PPP1R13B: variants seen among roughly 807,000 people sequenced by gnomAD.
PPP1R13B encodes protein phosphatase 1 regulatory subunit 13B, also known as apoptosis-stimulating of p53 protein 1.
In PPP1R13B, 44 loss-of-function variants were observed where a neutral mutation model predicts 119.8. The ratio of observed to expected loss-of-function variants is 0.37; its 90% CI spans 0.29 to 0.47. The LOEUF (loss-of-function observed/expected upper bound fraction) is 0.47, where lower values mean the gene tolerates loss of function less well. Ranked by LOEUF, PPP1R13B falls within the 20% of genes least tolerant of loss-of-function variation. PPP1R13B has a pLI of 0.99. For synonymous variants in PPP1R13B, 542 were observed against 561.5 expected, an observed-to-expected ratio of 0.97 and a Z score of 0.49; for missense variants, 1,227 against 1,413.5, an observed-to-expected ratio of 0.87 and a Z score of 2.12.
At chr14:103,753,238 AT>A in intron 6 of PPP1R13B, 42 bp from the exon 7 acceptor site, 2 of 1,460,776 alleles carry the variant, frequency 1.4e-6, no homozygotes, top group South Asian at 1.3e-5. Flanking sequence ...GATTTAGTTG[AT>A]CCTTTTTTTT....
At chr14:103,830,402 A>C (rs2086641469) in intron 1 of PPP1R13B, among the ~76,000 whole-genome samples, 1 of 152,080 alleles carries the variant, frequency 6.6e-6, no homozygotes, top group South Asian at 2.1e-4. Flanking sequence ...AGCCTCTTTT[A>C]GGTTCTTTTT....
chr14:103,734,678 GGAA>G lies in PPP1R13B; in HGVS notation c.*473_*475del, dbSNP rs1217416148. 2.2e-6 allele frequency: 1 copy of G among 456,934 alleles called. No homozygotes were observed. Among genetic ancestry groups the G allele is most frequent in the East Asian group, 6.9e-5 (1 of 14,440 alleles). 28.3% of individuals were successfully genotyped at this position (456,934 alleles called of 1,614,324 possible). A position where few individuals can be genotyped will look rare whatever the true frequency, so the allele number is the denominator to read the frequency against. On this transcript the variant is annotated 3_prime_UTR_variant, in exon 17 of 17. Coordinates refer to ENST00000202556, the MANE Select transcript of PPP1R13B (RefSeq NM_015316.3). ...TACAGAGGCTCCTTTGGTGATGAAG[GGAA>G]GAAGGATCATGTGTGGGAAGTGTGA...
At chr14:103,771,076 A>G (rs1430443605) in intron 4 of PPP1R13B, among the ~76,000 whole-genome samples, 2 of 152,170 alleles carry the variant, frequency 1.3e-5, no homozygotes, top group South Asian at 2.1e-4. Context: ...ACCCCCCAAC[A>G]GAAGGGGGCA....
intron 2 of PPP1R13B, among the ~76,000 whole-genome samples, chr14:103,787,928 G>A (rs1343301958): frequency 2.6e-5 from 4 of 152,000 alleles, no homozygotes; most frequent in Admixed American, 2.6e-4. Context: ...GGGATTACAG[G>A]CGTGAGCCGC....
chr14:103,739,353 G>A, intron 12 of PPP1R13B: 1 of 350,066 alleles, frequency 2.9e-6, no homozygotes, highest in Non-Finnish European at 5.2e-6. Flanking sequence ...ATGGGAGCCA[G>A]CAGCTCGTTC....
chr14:103,762,651 C>T (rs1190062875), intron 4 of PPP1R13B, among the ~76,000 whole-genome samples: 1 of 148,898 alleles, frequency 6.7e-6, no homozygotes, highest in Non-Finnish European at 1.5e-5. Flanking sequence ...GCAGCCACTG[C>T]TGCAGCCTCT....
At chr14:103,785,100 A>C (rs1482710425) in intron 2 of PPP1R13B, among the ~76,000 whole-genome samples, 186 bp from the exon 3 acceptor site, 1 of 152,226 alleles carries the variant, frequency 6.6e-6, no homozygotes, top group Non-Finnish European at 1.5e-5. Flanking sequence ...ATGGGAAATA[A>C]TTTAGGCAAC....
At chr14:103,767,257 T>C (rs1353222709) in intron 4 of PPP1R13B, among the ~76,000 whole-genome samples, 3 of 152,084 alleles carry the variant, frequency 2.0e-5, no homozygotes, top group Non-Finnish European at 4.4e-5. Flanking sequence ...CAAGCTGCAG[T>C]GAACTATGAT....
chr14:103,827,632 T>C (rs563054033), intron 1 of PPP1R13B, among the ~76,000 whole-genome samples: 19 of 148,706 alleles, frequency 1.3e-4, no homozygotes, highest in Non-Finnish European at 1.9e-4. Context: ...TATAGATATA[T>C]AGTATTATAA....
Position 103,781,556 on chromosome 14 carries a change from T to C in PPP1R13B, c.278-2735A>G, listed in dbSNP as rs534650861. Reference sequence around the variant, plus strand: ...AAAGAAGTATTATTTTTACAAAGGATTGTCCTTTTATTTGCTTGAGTTCAT... The same window carrying C: ...AAAGAAGTATTATTTTTACAAAGGACTGTCCTTTTATTTGCTTGAGTTCAT... On this transcript the variant is annotated intron_variant, in intron 3 of 16. Coordinates refer to ENST00000202556, the MANE Select transcript of PPP1R13B (RefSeq NM_015316.3). Among the ~76,000 whole-genome samples the C allele has an allele frequency of 4.8e-4, 73 of 152,340 alleles. 1 individual carries two copies. The highest frequency in any genetic ancestry group is 1.1e-3 in the Admixed American group (17 of 15,296).
intron 2 of PPP1R13B, chr14:103,797,129 T>C (rs1042615612): frequency 1.7e-4 from 56 of 320,616 alleles, no homozygotes; most frequent in Middle Eastern, 8.7e-4. Flanking sequence ...CAAAAAAGCA[T>C]TTTGTAAAAC....
intron 4 of PPP1R13B, among the ~76,000 whole-genome samples, chr14:103,776,450 G>C (rs1225178010): frequency 6.6e-6 from 1 of 152,176 alleles, no homozygotes; most frequent in East Asian, 1.9e-4. Context: ...TCCGAGGCCA[G>C]TGGGCTAAAC....
intron 1 of PPP1R13B, among the ~76,000 whole-genome samples, chr14:103,846,296 A>G (rs750900335): frequency 2.0e-4 from 30 of 152,356 alleles, no homozygotes; most frequent in Non-Finnish European, 3.4e-4. Flanking sequence ...AAAGGAAATC[A>G]AAGAGGAAGA....
intron 2 of PPP1R13B, among the ~76,000 whole-genome samples, chr14:103,786,543 T>A (rs2085465748): frequency 6.6e-6 from 1 of 151,928 alleles, no homozygotes; most frequent in South Asian, 2.1e-4. Flanking sequence ...GGTGGGCAGA[T>A]CACCCGAGGT....
At chr14:103,819,472 G>T (rs1595819484) in intron 1 of PPP1R13B, among the ~76,000 whole-genome samples, 1 of 150,394 alleles carries the variant, frequency 6.6e-6, no homozygotes, top group Non-Finnish European at 1.5e-5. Context: ...ACTCCAGCCT[G>T]GGCAAGAGAA....
intron 15 of PPP1R13B, chr14:103,737,461 A>C: frequency 4.5e-6 from 2 of 441,964 alleles, no homozygotes; most frequent in Non-Finnish European, 7.9e-6. Context: ...CTGTAGTCCC[A>C]GCTACTTGGG....
chr14:103,759,249 C>G (rs982571229), intron 4 of PPP1R13B: 3 of 151,728 alleles, frequency 2.0e-5, no homozygotes, highest in African/African-American at 7.3e-5. Context: ...TGAGCCACCG[C>G]GCCCGGCTGG....
intron 1 of PPP1R13B, among the ~76,000 whole-genome samples, chr14:103,831,147 A>G (rs1289214682): frequency 6.6e-6 from 1 of 151,926 alleles, no homozygotes; most frequent in Non-Finnish European, 1.5e-5. Flanking sequence ...GTTTCACCAC[A>G]TTAGTCAGGA....
intron 1 of PPP1R13B, among the ~76,000 whole-genome samples, chr14:103,804,789 T>C (rs1217796088): frequency 6.6e-6 from 1 of 151,662 alleles, no homozygotes; most frequent in Non-Finnish European, 1.5e-5. Flanking sequence ...AGACAGACAA[T>C]CACAAGCATT....
Sources: allele counts gnomAD v4.1 joint callset (sites outside exome capture counted in the v4.1 genomes callset), GRCh38; gene constraint gnomAD v4.1.1; transcripts MANE v1.5; gene names NCBI Gene and HGNC (gene_info 2026-07-23, HGNC 2026-07-21).